UBXN7: variants seen among roughly 807,000 people sequenced by gnomAD.
UBXN7 encodes UBX domain-containing protein 7.
In UBXN7, 9 loss-of-function variants were observed where a neutral mutation model predicts 58.0. That is an observed-to-expected ratio of 0.16 (90% CI 0.09 to 0.27). The LOEUF (loss-of-function observed/expected upper bound fraction) is 0.27, where lower values mean the gene tolerates loss of function less well. Among genes scored for constraint, UBXN7 ranks in the 10% least tolerant of loss-of-function variants. The probability of loss-of-function intolerance (pLI) is 1.00; values close to 1 mark genes in which losing one functional copy is unlikely to be tolerated. For missense variants in UBXN7, 328 were observed against 599.6 expected, an observed-to-expected ratio of 0.55 and a Z score of 4.73; for synonymous variants, 208 against 205.0, an observed-to-expected ratio of 1.01 and a Z score of -0.12.
intron 5 of UBXN7, among the ~76,000 whole-genome samples, chr3:196,377,475 T>C (rs1227091857): frequency 6.6e-6 from 1 of 152,170 alleles, no homozygotes; most frequent in Non-Finnish European, 1.5e-5. Context: ...ATTATAAACA[T>C]ATGTGGAACC....
chr3:196,359,386 G>A (rs1380759628), intron 10 of UBXN7, among the ~76,000 whole-genome samples: 1 of 152,104 alleles, frequency 6.6e-6, no homozygotes, highest in African/African-American at 2.4e-5. Flanking sequence ...AGTATTGAAA[G>A]TAGGCCAATT....
At chr3:196,429,383 GTTCTA>G (rs2108629266) in intron 1 of UBXN7, among the ~76,000 whole-genome samples, 1 of 151,058 alleles carries the variant, frequency 6.6e-6, no homozygotes. Context: ...AGAGAGATCT[GTTCTA>G]TTCAGTAAGA....
chr3:196,393,330 A>G (rs1232438878), intron 4 of UBXN7, among the ~76,000 whole-genome samples: 1 of 152,200 alleles, frequency 6.6e-6, no homozygotes, highest in East Asian at 1.9e-4. Flanking sequence ...ATCAATTACC[A>G]TATTTCCTAC....
chr3:196,369,959 C>G (rs1296277599), intron 6 of UBXN7, among the ~76,000 whole-genome samples: 1 of 151,842 alleles, frequency 6.6e-6, no homozygotes, highest in Non-Finnish European at 1.5e-5. Context: ...GGTGAAACCC[C>G]GTCTCTACTA....
intron 1 of UBXN7, among the ~76,000 whole-genome samples, chr3:196,423,953 G>A (rs1450008780): frequency 6.8e-6 from 1 of 147,260 alleles, no homozygotes; most frequent in East Asian, 2.0e-4. Flanking sequence ...GCAGTGGCAA[G>A]ATCTTGGCTC....
chr3:196,402,767 A>G (rs1730032383), intron 3 of UBXN7, among the ~76,000 whole-genome samples, 185 bp downstream of exon 3: 1 of 152,208 alleles, frequency 6.6e-6, no homozygotes, highest in African/African-American at 2.4e-5. Context: ...ACAAATATCA[A>G]TTTTTAACAT....
chr3:196,417,609 A>C (rs1730536521), intron 1 of UBXN7, among the ~76,000 whole-genome samples: 1 of 151,572 alleles, frequency 6.6e-6, no homozygotes, highest in Non-Finnish European at 1.5e-5. Context: ...GCTACCATGA[A>C]TTAAAAGAAT....
At position 196,431,266 on chromosome 3, in the gene UBXN7, A is replaced by G. The variant is rs1731038010; in HGVS notation, c.73+1061T>C. On this transcript the variant is annotated intron_variant, in intron 1 of 10. Coordinates refer to ENST00000296328, the MANE Select transcript of UBXN7 (RefSeq NM_015562.2). The stretch of plus-strand genomic sequence containing the variant: ...TGACCTCCTTCCAAAACGACAAACT[A>G]GAACGGCAAAATTACACTCAGGCAC... 3 of 152,234 alleles carry G rather than the reference A, an allele frequency of 2.0e-5. No homozygotes were observed. The South Asian group carries it at 6.2e-4, about 31-fold the overall frequency. 9.4% of individuals were successfully genotyped at this position (152,234 alleles called of 1,614,324 possible).
At chr3:196,369,010 G>A (rs1322020847) in intron 7 of UBXN7, among the ~76,000 whole-genome samples, 2 of 152,082 alleles carry the variant, frequency 1.3e-5, no homozygotes, top group African/African-American at 4.8e-5. Flanking sequence ...ATTTTTAGTA[G>A]AGATGGGGTT....
At chr3:196,428,395 G>A (rs753320139) in intron 1 of UBXN7, among the ~76,000 whole-genome samples, 2 of 150,790 alleles carry the variant, frequency 1.3e-5, no homozygotes, top group Non-Finnish European at 2.9e-5. Context: ...TAAGGATGCA[G>A]CAAGCTATAA....
At chr3:196,363,204 A>G (rs942864204) in intron 8 of UBXN7, among the ~76,000 whole-genome samples, 2 of 31,676 alleles carry the variant, frequency 6.3e-5, no homozygotes, top group South Asian at 8.7e-4. Flanking sequence ...CACCTGGCAC[A>G]TACATACATA....
At chr3:196,356,973 C>A in intron 10 of UBXN7, 127 bp from the exon 11 acceptor site, 1 of 1,256,676 alleles carries the variant, frequency 8.0e-7, no homozygotes, top group South Asian at 1.5e-5. Flanking sequence ...GTTCTTCTTT[C>A]ATATAACCAA....
intron 5 of UBXN7, among the ~76,000 whole-genome samples, chr3:196,381,732 A>T (rs1463387667): frequency 6.6e-6 from 1 of 152,220 alleles, no homozygotes; most frequent in Non-Finnish European, 1.5e-5. Flanking sequence ...AAGGAAGCTA[A>T]ACACCTTGAA....
At chr3:196,402,897 A>C in intron 3 of UBXN7, 55 bp downstream of exon 3, 1 of 1,558,574 alleles carries the variant, frequency 6.4e-7, no homozygotes, top group Non-Finnish European at 8.7e-7. Flanking sequence ...TGATGGTTTC[A>C]TTAAAATCCT....
At chr3:196,426,273 C>T (rs1484400191) in intron 1 of UBXN7, among the ~76,000 whole-genome samples, 1 of 151,342 alleles carries the variant, frequency 6.6e-6, no homozygotes, top group Non-Finnish European at 1.5e-5. Flanking sequence ...GTGGTCCCAG[C>T]TGCTCAGGAG....
intron 8 of UBXN7, among the ~76,000 whole-genome samples, chr3:196,367,631 C>T (rs942513154): frequency 6.6e-6 from 1 of 152,114 alleles, no homozygotes; most frequent in African/African-American, 2.4e-5. Context: ...CACAAAAAAA[C>T]CAACCACTTT....
At chr3:196,415,780 C>CAA (rs570503579) in intron 1 of UBXN7, among the ~76,000 whole-genome samples, 1,723 of 138,176 alleles carry the variant, frequency 0.012, 16 homozygotes, top group Non-Finnish European at 0.019. Flanking sequence ...GACTTCATCT[C>CAA]AAAAAAAAAA....
chr3:196,415,824 A>G (rs1240696912), intron 1 of UBXN7, among the ~76,000 whole-genome samples: 1 of 152,028 alleles, frequency 6.6e-6, no homozygotes, highest in African/African-American at 2.4e-5. Flanking sequence ...TACCATTTTA[A>G]TTTAGACAGC....
intron 5 of UBXN7, among the ~76,000 whole-genome samples, chr3:196,375,685 C>A (rs534237663): frequency 3.0e-4 from 46 of 152,194 alleles, no homozygotes; most frequent in Admixed American, 2.6e-3. Flanking sequence ...AGTAAAACAG[C>A]GGGAGACTAA....
Sources: gnomAD v4.1 joint callset for allele counts (sites outside exome capture counted in the v4.1 genomes callset) on GRCh38, gnomAD v4.1.1 for gene constraint, MANE v1.5 for transcripts, NCBI Gene and HGNC (gene_info 2026-07-23, HGNC 2026-07-21) for gene names.